Variants in IFI44L observed in about 807,000 individuals in gnomAD.
IFI44L encodes the protein interferon-induced protein 44-like.
A neutral mutation model predicts 39.3 loss-of-function variants in IFI44L; 40 were observed. The ratio of observed to expected loss-of-function variants is 1.02; its 90% CI spans 0.79 to 1.33. The LOEUF (loss-of-function observed/expected upper bound fraction) is 1.33. IFI44L is among the 40% of genes most tolerant of loss of function. The pLI is 0.00. For synonymous variants in IFI44L, 198 were observed against 182.3 expected (o/e 1.09, Z -0.69); for missense variants, 623 against 549.0 (o/e 1.13, Z -1.35).
At position 78,628,100 on chromosome 1, in the gene IFI44L, T is replaced by C. The variant is rs1169407229; in HGVS notation, c.185T>C (p.Val62Ala). ...GCTTACATTGATTACAATATGATTGTAGCCTTTATGCTTGGAAATTATATT... is the reference window on the plus strand; with the variant it reads ...GCTTACATTGATTACAATATGATTGCAGCCTTTATGCTTGGAAATTATATT... ...TMAYIDYNMI[V>A]AFMLGNYINL... The change falls in exon 2 of 9, where the codon GTA becomes GCA. Residue 62 changes from valine (V) to alanine (A), a missense_variant. By Grantham distance (64) the Val-to-Ala change is moderately conservative. Coordinates refer to ENST00000370751, the MANE Select transcript of IFI44L (RefSeq NM_006820.4). The C allele has an allele frequency of 1.2e-6, 2 of 1,612,970 alleles. No homozygotes were observed. Among genetic ancestry groups the C allele is most frequent in the Admixed American group, 3.3e-5 (2 of 59,884 alleles).
chr1:78,636,303 C>T (rs1211518429), intron 5 of IFI44L, among the ~76,000 whole-genome samples: 3 of 151,994 alleles, frequency 2.0e-5, no homozygotes, highest in Non-Finnish European at 2.9e-5. Context: ...GTTCATAATC[C>T]AGTCAGGGAA....
chr1:78,628,445 G>C, intron 2 of IFI44L, 52 bp downstream of exon 2: 1 of 1,024,078 alleles, frequency 9.8e-7, no homozygotes. Flanking sequence ...TAATCCTTGT[G>C]TTCGGTAGGT....
At chr1:78,625,268 A>C (rs535783417) in intron 1 of IFI44L, among the ~76,000 whole-genome samples, 20 of 152,214 alleles carry the variant, frequency 1.3e-4, no homozygotes, top group African/African-American at 4.8e-4. Context: ...CTAGACTCTG[A>C]TCCTTGAGTT....
chr1:78,636,975 T>C lies in IFI44L; in HGVS notation c.877-57T>C, dbSNP rs72935618. The C allele has an allele frequency of 5.6e-4, 741 of 1,334,336 alleles. 3 individuals are homozygous for C. In the African/African-American group the frequency reaches 9.7e-3, roughly 17 times the overall value. The allele number at this position is 1,334,336 out of a possible 1,614,324, so 82.7% of individuals were successfully genotyped here. A position where few individuals can be genotyped will look rare whatever the true frequency, so the allele number is the denominator to read the frequency against. Reference sequence around the variant, plus strand: ...GTATTAGAAGCATTAATTGTGTCTTTAAGGGTTAAACAGAGGCTCTCTGAT... The same window carrying C: ...GTATTAGAAGCATTAATTGTGTCTTCAAGGGTTAAACAGAGGCTCTCTGAT... On this transcript the variant is annotated intron_variant, in intron 5 of 8. Transcript: ENST00000370751.
chr1:78,633,254 C>T (rs1652819483), intron 4 of IFI44L, among the ~76,000 whole-genome samples: 1 of 152,124 alleles, frequency 6.6e-6, no homozygotes, highest in Non-Finnish European at 1.5e-5. Flanking sequence ...CAATATCAGG[C>T]CTACTGCAGT....
chr1:78,625,796 T>C (rs1283122395), intron 1 of IFI44L: 1 of 152,024 alleles, frequency 6.6e-6, no homozygotes, highest in Non-Finnish European at 1.5e-5. Flanking sequence ...ATGATTTTTG[T>C]AACATTTTAT....
intron 4 of IFI44L, among the ~76,000 whole-genome samples, chr1:78,630,541 A>G (rs1205745061): frequency 1.3e-5 from 2 of 152,194 alleles, no homozygotes; most frequent in Non-Finnish European, 2.9e-5. Flanking sequence ...TTTCAATGTT[A>G]TCATGCACAT....
chr1:78,620,608 G>C (rs922104315), intron 1 of IFI44L, 37 bp downstream of exon 1: 1 of 152,128 alleles, frequency 6.6e-6, no homozygotes, highest in African/African-American at 2.4e-5. Flanking sequence ...GTATTTGTAC[G>C]TATTTATGGG....
In IFI44L at chr1:78,644,702, CTCAG is replaced by C. The variant is rs1197828508; in HGVS notation, c.*2897_*2900del. On this transcript the variant is annotated 3_prime_UTR_variant, in exon 9 of 9. Coordinates refer to ENST00000370751, the MANE Select transcript of IFI44L (RefSeq NM_006820.4). ...CTTTACGGTTAAGCAAGATGTACAG[CTCAG>C]TCAAAGACACTAAATTCTTCTTAGA... The C allele has an allele frequency of 6.6e-6, 1 of 152,100 alleles. No homozygotes were observed. Among genetic ancestry groups the C allele is most frequent in the African/African-American group, 2.4e-5 (1 of 41,398 alleles). The allele number at this position is 152,100 out of a possible 1,614,324, so 9.4% of individuals were successfully genotyped here.
chr1:78,645,457 A>C lies in IFI44L; in HGVS notation c.*3648A>C, dbSNP rs1333972. 11,745 of 152,074 alleles carry C rather than the reference A, an allele frequency of 0.077. 525 individuals carry two copies. The highest frequency in any genetic ancestry group is 0.1 in the South Asian group (506 of 4,824). 9.4% of individuals were successfully genotyped at this position (152,074 alleles called of 1,614,324 possible). A position where few individuals can be genotyped will look rare whatever the true frequency, so the allele number is the denominator to read the frequency against. Reference sequence around the variant, plus strand: ...GTTTAGAAAGATAAATTTAAAGACTATCACATTGCTTTTTCATAAAACAAG... The same window carrying C: ...GTTTAGAAAGATAAATTTAAAGACTCTCACATTGCTTTTTCATAAAACAAG... On this transcript the variant is annotated 3_prime_UTR_variant, in exon 9 of 9. Coordinates refer to ENST00000370751, the MANE Select transcript of IFI44L (RefSeq NM_006820.4).
In IFI44L at chr1:78,629,740, C is replaced by T. The variant is rs766199525; in HGVS notation, c.548C>T (p.Ala183Val). ...AACAGGCACAGAAATAGGCTTCTAG[C>T]AGACATCAGAGACTATAGGCCCTAT... ...KAREHRNRLL[A>V]DIRDYRPYAD... The change falls in exon 4 of 9, where the codon GCA becomes GTA. Residue 183 changes from alanine to valine, a missense_variant. Physicochemically the swap from Ala to Val is moderately conservative, Grantham distance 64. Coordinates refer to ENST00000370751, the MANE Select transcript of IFI44L (RefSeq NM_006820.4). 1.1e-5 allele frequency: 17 copies of T among 1,611,716 alleles called. No homozygotes were observed. The highest frequency in any genetic ancestry group is 1.4e-5 in the Non-Finnish European group (17 of 1,178,894).
At chr1:78,631,252 A>G (rs187377812) in intron 4 of IFI44L, among the ~76,000 whole-genome samples, 1 of 152,276 alleles carries the variant, frequency 6.6e-6, no homozygotes, top group African/African-American at 2.4e-5. Context: ...AAGCAAATTA[A>G]TGGGTAAGGA....
chr1:78,640,032 G>A (rs987771217), intron 6 of IFI44L, among the ~76,000 whole-genome samples: 1 of 152,082 alleles, frequency 6.6e-6, no homozygotes, highest in Non-Finnish European at 1.5e-5. Context: ...AAAAGTCTGA[G>A]TAGTGAACAT....
At chr1:78,632,392 A>G (rs1652780985) in intron 4 of IFI44L, among the ~76,000 whole-genome samples, 1 of 152,224 alleles carries the variant, frequency 6.6e-6, no homozygotes, top group Non-Finnish European at 1.5e-5. Context: ...TGGTATTAAC[A>G]AATGTGATGT....
chr1:78,624,250 C>T (rs924053225), intron 1 of IFI44L, among the ~76,000 whole-genome samples: 2 of 152,170 alleles, frequency 1.3e-5, no homozygotes, highest in African/African-American at 4.8e-5. Context: ...CCGAACTCGG[C>T]CTCCCAAAGT....
At position 78,628,112 on chromosome 1, in the gene IFI44L, T is replaced by C. The variant is rs760290360; in HGVS notation, c.197T>C (p.Leu66Pro). The part of the protein sequence containing the change: ...IDYNMIVAFM[L>P]GNYINLHESS... ...TACAATATGATTGTAGCCTTTATGC[T>C]TGGAAATTATATTAATTTACATGAA... The change falls in exon 2 of 9, where the codon CTT becomes CCT. Residue 66 changes from leucine (L) to proline (P), a missense_variant. By Grantham distance (98) the Leu-to-Pro change is moderately conservative. Transcript: ENST00000370751. The C allele has an allele frequency of 2.5e-6, 4 of 1,612,432 alleles. No individual in the cohort carries two copies. The highest frequency in any genetic ancestry group is 2.7e-5 in the African/African-American group (2 of 74,864).
rs1037613489 is a variant in IFI44L at position 78,645,319 on chromosome 1, T to C, written c.*3510T>C. 1 of 152,204 alleles carries C rather than the reference T, an allele frequency of 6.6e-6. No individual in the cohort carries two copies. Among genetic ancestry groups the C allele is most frequent in the Admixed American group, 6.5e-5 (1 of 15,278 alleles). The allele number at this position is 152,204 out of a possible 1,614,324, so 9.4% of individuals were successfully genotyped here. A position where few individuals can be genotyped will look rare whatever the true frequency, so the allele number is the denominator to read the frequency against. On this transcript the variant is annotated 3_prime_UTR_variant, in exon 9 of 9. Transcript: ENST00000370751. ...CCATACAGTTGGGTTGTAACCCTCATGCTTGGCCCAAATAAACTCTCTACT... is the reference window on the plus strand; with the variant it reads ...CCATACAGTTGGGTTGTAACCCTCACGCTTGGCCCAAATAAACTCTCTACT...
In IFI44L at chr1:78,637,095, G is replaced by A. The variant is rs1196138330; in HGVS notation, c.940G>A (p.Asp314Asn). The A allele has an allele frequency of 1.9e-6, 3 of 1,611,938 alleles. No individual in the cohort carries two copies. Among genetic ancestry groups the A allele is most frequent in the East Asian group, 4.5e-5 (2 of 44,784 alleles). ...TTTTATCACCTCTCCATCTCTGAAG[G>A]ACAGGATTCACTGTGTGGCTTATGT... ...STFITSPSLKDRIHCVAYVLD... is the reference protein window; with the variant it reads ...STFITSPSLKNRIHCVAYVLD... The change falls in exon 6 of 9, where the codon GAC becomes AAC. Residue 314 changes from aspartate (D) to asparagine (N), a missense_variant. Physicochemically the swap from Asp to Asn is conservative, Grantham distance 23 (BLOSUM62 1). Coordinates refer to ENST00000370751, the MANE Select transcript of IFI44L (RefSeq NM_006820.4).
chr1:78,623,152 T>G (rs1028365472), intron 1 of IFI44L, among the ~76,000 whole-genome samples: 1 of 152,190 alleles, frequency 6.6e-6, no homozygotes, highest in African/African-American at 2.4e-5. Flanking sequence ...TTATACTTCC[T>G]TTATAATTCA....
Sources: allele counts gnomAD v4.1 joint callset (sites outside exome capture counted in the v4.1 genomes callset), GRCh38; gene constraint gnomAD v4.1.1; transcripts MANE v1.5; gene names NCBI Gene and HGNC (gene_info 2026-07-23, HGNC 2026-07-21).